Variants in CMSS1 observed in about 807,000 individuals in gnomAD.
CMSS1 encodes the protein protein CMSS1.
In CMSS1, 33 loss-of-function variants were observed where a neutral mutation model predicts 43.5. The observed-to-expected ratio is 0.76, with a 90% CI of 0.57 to 1.01. CMSS1 has a LOEUF of 1.01. Ranked by LOEUF, CMSS1 falls within the 50% of genes least tolerant of loss-of-function variation. The pLI, the probability that CMSS1 is intolerant of heterozygous loss-of-function variation, is 0.00. For synonymous variants in CMSS1, 115 were observed against 117.2 expected, an observed-to-expected ratio of 0.98 and a Z score of 0.12; for missense variants, 313 against 326.4, an observed-to-expected ratio of 0.96 and a Z score of 0.32.
At chr3:99,976,292 C>T (rs981634491) in intron 1 of CMSS1, among the ~76,000 whole-genome samples, 5 of 152,188 alleles carry the variant, frequency 3.3e-5, no homozygotes, top group East Asian at 1.9e-4. Flanking sequence ...CCATATGCTA[C>T]GCGTTCCTGC....
chr3:100,006,806 G>T (rs960873518), intron 1 of CMSS1, among the ~76,000 whole-genome samples: 2 of 152,204 alleles, frequency 1.3e-5, no homozygotes, highest in Non-Finnish European at 2.9e-5. Context: ...GTCAGCCAAA[G>T]TAAACAAGCA....
At chr3:100,130,623 G>C (rs443374) in intron 1 of CMSS1, among the ~76,000 whole-genome samples, 7 of 152,180 alleles carry the variant, frequency 4.6e-5, no homozygotes, top group African/African-American at 7.2e-5. Flanking sequence ...GTACGAACTA[G>C]CAGACTATGG....
intron 1 of CMSS1, among the ~76,000 whole-genome samples, chr3:100,014,726 A>G (rs770885982): frequency 6.8e-6 from 1 of 147,704 alleles, no homozygotes; most frequent in African/African-American, 2.5e-5. Flanking sequence ...TATGTTTTGG[A>G]TATTGGATAT....
chr3:99,828,923 C>T (rs952337678), intron 1 of CMSS1, among the ~76,000 whole-genome samples: 1 of 151,984 alleles, frequency 6.6e-6, no homozygotes, highest in African/African-American at 2.4e-5. Context: ...GCCTATCATC[C>T]CTCTCAATGC....
At chr3:100,112,256 G>T (rs2066504796) in intron 1 of CMSS1, among the ~76,000 whole-genome samples, 1 of 152,098 alleles carries the variant, frequency 6.6e-6, no homozygotes, top group African/African-American at 2.4e-5. Context: ...TATTACATTG[G>T]TAATGAAAAT....
chr3:99,832,839 C>CAA (rs771543470), intron 1 of CMSS1, among the ~76,000 whole-genome samples: 10 of 47,370 alleles, frequency 2.1e-4, no homozygotes, highest in African/African-American at 3.1e-4. Flanking sequence ...GACTCTGTCT[C>CAA]AAAAAAAAAA....
chr3:100,075,888 G>A (rs938837178), intron 1 of CMSS1, among the ~76,000 whole-genome samples: 1 of 151,992 alleles, frequency 6.6e-6, no homozygotes, highest in Non-Finnish European at 1.5e-5. Flanking sequence ...ATCCTTCTGG[G>A]GTATTAGGAT....
chr3:100,078,514 G>A (rs771089556), intron 1 of CMSS1, among the ~76,000 whole-genome samples: 4 of 151,984 alleles, frequency 2.6e-5, no homozygotes, highest in Non-Finnish European at 4.4e-5. Flanking sequence ...CCAATCTTTG[G>A]CTTCCCTGGG....
intron 1 of CMSS1, among the ~76,000 whole-genome samples, chr3:100,107,323 A>G (rs1240603738): frequency 1.3e-5 from 2 of 152,150 alleles, no homozygotes; most frequent in Admixed American, 6.6e-5. Context: ...CATCTGGGAA[A>G]ATGACAAAGT....
In CMSS1 at chr3:99,940,048, C is replaced by T. The variant is rs149651769; in HGVS notation, c.64+122005C>T. On this transcript the variant is annotated intron_variant, in intron 1 of 9. Transcript: ENST00000421999. ...GAGGTCCAGTAGGGCAGACTTACAT[C>T]ATGGCTTTTCTTAGCTGTGTGTTGT... 2.7e-3 allele frequency among the ~76,000 whole-genome samples: 408 copies of T among 152,284 alleles called. 1 individual carries two copies. The highest frequency in any genetic ancestry group is 0.023 in the South Asian group (112 of 4,820).
chr3:99,890,145 T>A (rs1706037983), intron 1 of CMSS1, among the ~76,000 whole-genome samples: 1 of 152,130 alleles, frequency 6.6e-6, no homozygotes, highest in Non-Finnish European at 1.5e-5. Flanking sequence ...TTACTGGGTA[T>A]AGAATGCTTG....
intron 1 of CMSS1, among the ~76,000 whole-genome samples, chr3:99,841,844 G>A (rs953163958): frequency 6.6e-6 from 1 of 152,158 alleles, no homozygotes; most frequent in African/African-American, 2.4e-5. Context: ...ATAGATGTTG[G>A]TGTGGATGTG....
intron 1 of CMSS1, among the ~76,000 whole-genome samples, chr3:99,826,698 G>A (rs1218294859): frequency 6.6e-6 from 1 of 152,072 alleles, no homozygotes; most frequent in Non-Finnish European, 1.5e-5. Flanking sequence ...TAGTTACTCC[G>A]TTACTTAGTA....
chr3:100,027,114 G>A (rs1016894314), intron 1 of CMSS1, among the ~76,000 whole-genome samples: 3 of 152,028 alleles, frequency 2.0e-5, no homozygotes, highest in Non-Finnish European at 2.9e-5. Context: ...CCTTGGACAC[G>A]CTATCTAAAC....
chr3:99,834,298 G>A (rs1942805897), intron 1 of CMSS1, among the ~76,000 whole-genome samples: 1 of 152,196 alleles, frequency 6.6e-6, no homozygotes. Flanking sequence ...TTTGAATAGT[G>A]TTCTACTTCT....
chr3:100,006,549 C>T (rs1013018344), intron 1 of CMSS1, among the ~76,000 whole-genome samples: 44 of 151,958 alleles, frequency 2.9e-4, no homozygotes, highest in Non-Finnish European at 8.8e-5. Context: ...TGAAGGCTAT[C>T]ATTCAAATCC....
At chr3:100,010,294 GA>G (rs982635139) in intron 1 of CMSS1, 40 of 200,140 alleles carry the variant, frequency 2.0e-4, no homozygotes, top group Non-Finnish European at 2.7e-4. Flanking sequence ...TGCATGGAAG[GA>G]AAAAAAAATG....
At chr3:100,026,163 G>T (rs571201722) in intron 1 of CMSS1, among the ~76,000 whole-genome samples, 1 of 152,288 alleles carries the variant, frequency 6.6e-6, no homozygotes, top group East Asian at 1.9e-4. Context: ...CCATAGAGGA[G>T]AAATCTGGAA....
intron 6 of CMSS1, among the ~76,000 whole-genome samples, chr3:100,169,828 A>C (rs2067095242): frequency 6.6e-6 from 1 of 152,266 alleles, no homozygotes; most frequent in Non-Finnish European, 1.5e-5. Flanking sequence ...TCAGATGCTA[A>C]GGGCAAAGAG....
Sources: gnomAD v4.1 joint callset for allele counts (sites outside exome capture counted in the v4.1 genomes callset) on GRCh38, gnomAD v4.1.1 for gene constraint, MANE v1.5 for transcripts, NCBI Gene and HGNC (gene_info 2026-07-23, HGNC 2026-07-21) for gene names.